L3MBTL4: variants seen among roughly 807,000 people sequenced by gnomAD.
L3MBTL4 encodes the protein L3MBTL histone methyl-lysine binding protein 4.
L3MBTL4 carries 70 observed loss-of-function variants against 84.5 expected under a neutral mutation model. That is an observed-to-expected ratio of 0.83 (90% CI 0.68 to 1.01). The LOEUF (loss-of-function observed/expected upper bound fraction) is 1.01, where lower values mean the gene tolerates loss of function less well. Among genes scored for constraint, L3MBTL4 ranks in the 50% least tolerant of loss-of-function variants. L3MBTL4 has a pLI of 0.00. For missense variants in L3MBTL4, 715 were observed against 754.8 expected (o/e 0.95, Z 0.62); for synonymous variants, 274 against 259.8 (o/e 1.05, Z -0.52).
chr18:6,352,850 T>C (rs1299137442), intron 1 of L3MBTL4, among the ~76,000 whole-genome samples: 1 of 152,240 alleles, frequency 6.6e-6, no homozygotes, highest in Non-Finnish European at 1.5e-5. Context: ...TCAGGAACTT[T>C]AAATGGTCAA....
intron 14 of L3MBTL4, among the ~76,000 whole-genome samples, chr18:6,121,198 G>C (rs1463297158): frequency 6.6e-6 from 1 of 152,204 alleles, no homozygotes; most frequent in East Asian, 1.9e-4. Flanking sequence ...TTCATTTACA[G>C]ATGCACAGCA....
Position 6,051,465 on chromosome 18 carries a change from C to T in L3MBTL4, c.1444+29416G>A, listed in dbSNP as rs1434701041. ...GAGGCAGGAGAATCGCTTGAACTTG[C>T]GGGGCGGAGGTTGCAGTGAGCTGAG... On this transcript the variant is annotated intron_variant, in intron 16 of 18. Transcript: ENST00000317931. Among the ~76,000 whole-genome samples the T allele has an allele frequency of 7.3e-5, 11 of 151,614 alleles. No homozygotes were observed. In the South Asian group the frequency reaches 1.9e-3, roughly 26 times the overall value.
intron 13 of L3MBTL4, among the ~76,000 whole-genome samples, chr18:6,150,965 G>A (rs75545643): frequency 0.01 from 1,572 of 152,282 alleles, 10 homozygotes; most frequent in Non-Finnish European, 0.018. Flanking sequence ...GCCAGGGACC[G>A]CACGGAGTGC....
intron 13 of L3MBTL4, among the ~76,000 whole-genome samples, chr18:6,158,045 G>A (rs2043172797): frequency 6.6e-6 from 1 of 152,166 alleles, no homozygotes; most frequent in South Asian, 2.1e-4. Context: ...CATTAAGGTG[G>A]CAGGCGAGAG....
intron 13 of L3MBTL4, among the ~76,000 whole-genome samples, chr18:6,152,107 G>A (rs187135649): frequency 1.2e-4 from 19 of 152,220 alleles, no homozygotes; most frequent in Middle Eastern, 3.4e-3. Context: ...GTACAATACC[G>A]TATGTTCTTT....
Position 6,251,577 on chromosome 18 carries a change from G to GT in L3MBTL4, c.220-6990dup, listed in dbSNP as rs571836644. ...ATATGCCCAAGGCCACAGTGTAAGT[G>GT]TATCTGGCTTTCCTGTTTGAGTGAT... On this transcript the variant is annotated intron_variant, in intron 5 of 18. Transcript: ENST00000317931. Among the ~76,000 whole-genome samples, 616 of 152,296 alleles carry GT rather than the reference G, an allele frequency of 4.0e-3. 3 individuals are homozygous for GT. The highest frequency in any genetic ancestry group is 0.014 in the African/African-American group (574 of 41,566).
Position 6,069,349 on chromosome 18 carries a change from C to T in L3MBTL4, c.1444+11532G>A, listed in dbSNP as rs139179067. ...GACTGTGTTGGATGGCCTCCAGCCA[C>T]GAGGTGGCATTTGCAAAAGAGCAAC... is the stretch of plus-strand genomic sequence containing the variant. On this transcript the variant is annotated intron_variant, in intron 16 of 18. Coordinates refer to ENST00000317931, the MANE Select transcript of L3MBTL4 (RefSeq NM_001330559.2). Among the ~76,000 whole-genome samples the T allele has an allele frequency of 2.8e-3, 420 of 152,208 alleles. 1 individual carries two copies. Among genetic ancestry groups the T allele is most frequent in the Middle Eastern group, 0.01 (3 of 294 alleles).
At position 6,082,842 on chromosome 18, in the gene L3MBTL4, A is replaced by G. The variant is rs16949380; in HGVS notation, c.1374-1891T>C. On this transcript the variant is annotated intron_variant, in intron 15 of 18. Coordinates refer to ENST00000317931, the MANE Select transcript of L3MBTL4 (RefSeq NM_001330559.2). ...TTCAAATGATTACATCAGTAGAGAG[A>G]TATGCCAAGCCAAATCCTGTGAGTA... 6.9e-3 allele frequency among the ~76,000 whole-genome samples: 1,056 copies of G among 152,286 alleles called. 13 individuals are homozygous for G. The highest frequency in any genetic ancestry group is 0.045 in the South Asian group (216 of 4,812).
At chr18:6,055,601 T>C (rs1190676555) in intron 16 of L3MBTL4, among the ~76,000 whole-genome samples, 1 of 152,258 alleles carries the variant, frequency 6.6e-6, no homozygotes, top group African/African-American at 2.4e-5. Context: ...AAACAAGAGT[T>C]ACAACTTTGA....
intron 12 of L3MBTL4, among the ~76,000 whole-genome samples, chr18:6,207,953 A>C (rs2045941470): frequency 1.3e-5 from 2 of 151,874 alleles, no homozygotes; most frequent in Non-Finnish European, 2.9e-5. Context: ...AAGAAAAAAA[A>C]AATTAACAAA....
chr18:6,345,156 G>A (rs1397093363), intron 1 of L3MBTL4, among the ~76,000 whole-genome samples: 3 of 142,368 alleles, frequency 2.1e-5, no homozygotes, highest in Admixed American at 1.5e-4. Flanking sequence ...GATTGCCTGA[G>A]CTCAGTAGTT....
At chr18:6,371,312 C>T (rs8090787) in intron 1 of L3MBTL4, among the ~76,000 whole-genome samples, 21,989 of 152,086 alleles carry the variant, frequency 0.14, 2,462 homozygotes, top group East Asian at 0.3. Flanking sequence ...GAGAACTTGG[C>T]AGAACACACA....
chr18:6,292,882 A>C lies in L3MBTL4; in HGVS notation c.127+9021T>G, dbSNP rs559515824. ...ACTGAAACCACCTCCTCCAACTCTA[A>C]GACTAGTTCTACCCTCTGCCATCAC... On this transcript the variant is annotated intron_variant, in intron 4 of 18. Coordinates refer to ENST00000317931, the MANE Select transcript of L3MBTL4 (RefSeq NM_001330559.2). Among the ~76,000 whole-genome samples, 82 of 151,950 alleles carry C rather than the reference A, an allele frequency of 5.4e-4. No individual in the cohort carries two copies. The Middle Eastern group carries it at 0.034, about 63-fold the overall frequency.
At position 6,123,060 on chromosome 18, in the gene L3MBTL4, G is replaced by A. The variant is rs73380082; in HGVS notation, c.1199+15134C>T. On this transcript the variant is annotated intron_variant, in intron 14 of 18. Transcript: ENST00000317931. ...TTCCTGTGCCTAGTAGATAATGGAA[G>A]GGTCATTAATCTTGATTCTTGAGGC... is the stretch of plus-strand genomic sequence containing the variant. 3.6e-3 allele frequency among the ~76,000 whole-genome samples: 544 copies of A among 152,278 alleles called. 3 individuals are homozygous for A. Among genetic ancestry groups the A allele is most frequent in the African/African-American group, 0.013 (522 of 41,560 alleles).
At chr18:6,130,601 A>G (rs1346092360) in intron 14 of L3MBTL4, among the ~76,000 whole-genome samples, 1 of 152,136 alleles carries the variant, frequency 6.6e-6, no homozygotes, top group Non-Finnish European at 1.5e-5. Flanking sequence ...TAAATAATAT[A>G]ATTATTGGTT....
chr18:6,029,483 T>A, intron 16 of L3MBTL4: 1 of 977,724 alleles, frequency 1.0e-6, no homozygotes, highest in Non-Finnish European at 1.2e-6. Flanking sequence ...TTAAATGTAA[T>A]ACACAGAAAT....
intron 10 of L3MBTL4, among the ~76,000 whole-genome samples, chr18:6,229,982 T>C (rs1299268230): frequency 6.6e-6 from 1 of 152,206 alleles, no homozygotes; most frequent in Non-Finnish European, 1.5e-5. Flanking sequence ...ATATAAATTT[T>C]AGGATGGATT....
At chr18:5,972,860 T>TATAGA (rs5822881) in intron 16 of L3MBTL4, among the ~76,000 whole-genome samples, 11 of 143,178 alleles carry the variant, frequency 7.7e-5, no homozygotes, top group South Asian at 2.3e-4. Context: ...AATAGAATAG[T>TATAGA]ATAGAATAGA....
chr18:6,127,159 G>C (rs1362049567), intron 14 of L3MBTL4, among the ~76,000 whole-genome samples: 3 of 152,214 alleles, frequency 2.0e-5, no homozygotes, highest in Non-Finnish European at 2.9e-5. Context: ...TAAACACAAA[G>C]TAAATTTATG....
Sources: gnomAD v4.1 joint callset for allele counts (sites outside exome capture counted in the v4.1 genomes callset) on GRCh38, gnomAD v4.1.1 for gene constraint, MANE v1.5 for transcripts, NCBI Gene and HGNC (gene_info 2026-07-23, HGNC 2026-07-21) for gene names.